The following MRPS21 variants were observed in gnomAD, a reference collection of about 807,000 sequenced individuals.
MRPS21 encodes mitochondrial ribosomal protein S21.
A neutral mutation model predicts 9.9 loss-of-function variants in MRPS21; 8 were observed. That is an observed-to-expected ratio of 0.81 (90% CI 0.47 to 1.45). MRPS21 has a LOEUF of 1.45. Ranked by LOEUF, MRPS21 falls within the 40% of genes most tolerant of loss-of-function variation. MRPS21 has a pLI of 0.00. For synonymous variants in MRPS21, 40 were observed against 40.3 expected, an observed-to-expected ratio of 0.99 and a Z score of 0.03; for missense variants, 101 against 118.9, an observed-to-expected ratio of 0.85 and a Z score of 0.70.
In MRPS21 at chr1:150,294,497, G is replaced by A. The variant is rs782644921; in HGVS notation, c.83+48G>A. ...CATGCCTAGACTCTCTGGGAAGTGC[G>A]GTGGTTATTCTCTCCCTTCCCCTTT... On this transcript the variant is annotated intron_variant, in intron 2 of 2. Coordinates refer to ENST00000614145, the MANE Select transcript of MRPS21 (RefSeq NM_031901.6). 4 of 1,489,462 alleles carry A rather than the reference G, an allele frequency of 2.7e-6. No homozygotes were observed. The Admixed American group carries it at 6.9e-5, about 26-fold the overall frequency. 92.3% of individuals were successfully genotyped at this position (1,489,462 alleles called of 1,614,324 possible). A position where few individuals can be genotyped will look rare whatever the true frequency, so the allele number is the denominator to read the frequency against.
At chr1:150,294,147 A>G in intron 1 of MRPS21, 188 bp from the exon 2 acceptor site, 1 of 488,498 alleles carries the variant, frequency 2.0e-6, no homozygotes, top group Non-Finnish European at 3.8e-6. Context: ...CTATGCGAGG[A>G]TTTGGACTGG....
At position 150,307,348 on chromosome 1, in the gene MRPS21, C is replaced by CAT. The variant is rs1654376892; in HGVS notation, c.84-700_84-699insAT. 2.1e-4 allele frequency among the ~76,000 whole-genome samples: 18 copies of CAT among 87,552 alleles called. 2 individuals carry two copies. The highest frequency in any genetic ancestry group is 3.6e-4 in the African/African-American group (8 of 22,528). The allele number at this position is 87,552 out of a possible 152,430, so 57.4% of individuals were successfully genotyped here. Reference sequence around the variant, plus strand: ...CAGGCATGAGTCACTGTGCCCAGTCCTTTTTTTTTTTTTTTTTTTTTTCCT... The same window carrying CAT: ...CAGGCATGAGTCACTGTGCCCAGTCCATTTTTTTTTTTTTTTTTTTTTTTCCT... On this transcript the variant is annotated intron_variant, in intron 2 of 2. Coordinates refer to ENST00000614145, the MANE Select transcript of MRPS21 (RefSeq NM_031901.6).
rs143847321 is a variant in MRPS21, at chr1:150,294,896, C to CA, written c.83+456dup. The stretch of plus-strand genomic sequence containing the variant: ...CCTGGGCAAGAGTGAGACTCTATCT[C>CA]AAAAAAAAAGAAAAAAAGTTCTTCC... On this transcript the variant is annotated intron_variant, in intron 2 of 2. Coordinates refer to ENST00000614145, the MANE Select transcript of MRPS21 (RefSeq NM_031901.6). 6.0e-4 allele frequency among the ~76,000 whole-genome samples: 82 copies of CA among 136,376 alleles called. 1 individual carries two copies. The highest frequency in any genetic ancestry group is 2.2e-3 in the African/African-American group (77 of 35,394). 89.5% of individuals were successfully genotyped at this position (136,376 alleles called of 152,430 possible). A position where few individuals can be genotyped will look rare whatever the true frequency, so the allele number is the denominator to read the frequency against.
chr1:150,301,924 C>A (rs1186605488), intron 2 of MRPS21, among the ~76,000 whole-genome samples: 2 of 152,166 alleles, frequency 1.3e-5, no homozygotes, highest in African/African-American at 4.8e-5. Context: ...TAGGTAAGGA[C>A]TTTCAAGCTT....
chr1:150,305,418 T>G (rs1441887561), intron 2 of MRPS21, among the ~76,000 whole-genome samples: 3 of 152,104 alleles, frequency 2.0e-5, no homozygotes, highest in Non-Finnish European at 2.9e-5. Flanking sequence ...TTTACAGATG[T>G]GATAACAATT....
intron 2 of MRPS21, among the ~76,000 whole-genome samples, chr1:150,294,825 G>A (rs182528587): frequency 6.7e-6 from 1 of 149,854 alleles, no homozygotes; most frequent in African/African-American, 2.5e-5. Flanking sequence ...TTGAACCCGG[G>A]AGGCAGAGGT....
chr1:150,307,926 C>A, intron 2 of MRPS21, 122 bp from the exon 3 acceptor site: 2 of 978,820 alleles, frequency 2.0e-6, no homozygotes, highest in Non-Finnish European at 2.9e-6. Context: ...GCTCTATTGC[C>A]ACCATTTCCC....
At chr1:150,304,969 G>T in intron 2 of MRPS21, 1 of 356,516 alleles carries the variant, frequency 2.8e-6, no homozygotes, top group Non-Finnish European at 5.4e-6. Flanking sequence ...AACCCAGAAG[G>T]CGGAGGTTGC....
intron 2 of MRPS21, among the ~76,000 whole-genome samples, chr1:150,297,543 C>A (rs1432828911): frequency 6.6e-6 from 1 of 151,902 alleles, no homozygotes; most frequent in Non-Finnish European, 1.5e-5. Flanking sequence ...TGGTGGCAGG[C>A]GCCTGTAATC....
intron 2 of MRPS21, among the ~76,000 whole-genome samples, chr1:150,298,194 A>G (rs940526122): frequency 1.3e-5 from 2 of 152,158 alleles, no homozygotes; most frequent in African/African-American, 2.4e-5. Context: ...TGGCCTCCCA[A>G]AGTGCTGGGA....
intron 2 of MRPS21, among the ~76,000 whole-genome samples, chr1:150,301,557 A>G (rs1450633609): frequency 3.3e-5 from 5 of 152,230 alleles, no homozygotes; most frequent in Non-Finnish European, 5.9e-5. Context: ...AAATTGTATT[A>G]TAGCTTCGCG....
intron 2 of MRPS21, among the ~76,000 whole-genome samples, chr1:150,298,605 A>G (rs587682593): frequency 6.6e-6 from 1 of 151,040 alleles, no homozygotes; most frequent in East Asian, 1.9e-4. Flanking sequence ...TTATTTATTG[A>G]ACCACTTTTT....
At chr1:150,301,191 T>C (rs909806193) in intron 2 of MRPS21, 1 of 158,764 alleles carries the variant, frequency 6.3e-6, no homozygotes, top group Non-Finnish European at 1.4e-5. Flanking sequence ...AAAAATTAGC[T>C]GGGCGCCGTG....
chr1:150,298,212 C>G (rs1323382684), intron 2 of MRPS21, among the ~76,000 whole-genome samples: 1 of 152,208 alleles, frequency 6.6e-6, no homozygotes, highest in Non-Finnish European at 1.5e-5. Context: ...GGATTACAGG[C>G]TTGAGCCACT....
chr1:150,297,216 GGGA>G lies in MRPS21; in HGVS notation c.83+2776_83+2778del, dbSNP rs1251397657. Among the ~76,000 whole-genome samples the G allele has an allele frequency of 5.9e-5, 9 of 152,080 alleles. No individual in the cohort carries two copies. In the East Asian group the frequency reaches 1.5e-3, roughly 26 times the overall value. ...TGAGACAGGAGAATCGCTTGAACCC[GGGA>G]GGAGGAGGTTGCAGTGAGCCGAGAG... On this transcript the variant is annotated intron_variant, in intron 2 of 2. Transcript: ENST00000614145.
chr1:150,294,789 C>T (rs1653851796), intron 2 of MRPS21, among the ~76,000 whole-genome samples: 2 of 150,648 alleles, frequency 1.3e-5, no homozygotes, highest in African/African-American at 4.9e-5. Flanking sequence ...ATCTCAGCTA[C>T]TCGAGAGCTG....
chr1:150,307,517 C>T lies in MRPS21; in HGVS notation c.84-531C>T, dbSNP rs1380251929. Among the ~76,000 whole-genome samples, 250 of 151,908 alleles carry T rather than the reference C, an allele frequency of 1.6e-3. 3 individuals are homozygous for T. The highest frequency in any genetic ancestry group is 0.016 in the Admixed American group (247 of 15,232). On this transcript the variant is annotated intron_variant, in intron 2 of 2. Transcript: ENST00000614145. The stretch of plus-strand genomic sequence containing the variant: ...GGACTACAGGCATGTACCACCATGC[C>T]TGGTTAATGTTTGTATTATTTGCAG...
rs1553856207 is a variant in MRPS21 at position 150,294,450 on chromosome 1, G to GT, written c.83+2dup. On this transcript the variant is annotated splice_donor_variant, in intron 2 of 2. Transcript: ENST00000614145. LOFTEE classifies it high-confidence loss of function. ...AAAGCGCATACAGGACCCTAAACAG[G>GT]TAACTGTTAAGGGACCAGAATCATG... The GT allele has an allele frequency of 6.2e-7, 1 of 1,607,450 alleles. No homozygotes were observed. Among genetic ancestry groups the GT allele is most frequent in the Admixed American group, 1.7e-5 (1 of 59,960 alleles).
chr1:150,302,636 C>A (rs1654186718), intron 2 of MRPS21, among the ~76,000 whole-genome samples: 1 of 152,136 alleles, frequency 6.6e-6, no homozygotes, highest in African/African-American at 2.4e-5. Context: ...ATTAGGTTGC[C>A]AGGCGCCCGA....
Sources: gnomAD v4.1 joint callset for allele counts (sites outside exome capture counted in the v4.1 genomes callset) on GRCh38, gnomAD v4.1.1 for gene constraint, MANE v1.5 for transcripts, NCBI Gene and HGNC (gene_info 2026-07-23, HGNC 2026-07-21) for gene names.